The following MINAR2 variants were observed in gnomAD, a reference collection of about 807,000 sequenced individuals.
MINAR2 encodes membrane integral NOTCH2 associated receptor 2.
Under a neutral mutation model 16.1 loss-of-function variants are expected in MINAR2, and 21 were observed. The ratio of observed to expected loss-of-function variants is 1.31; its 90% confidence interval spans 0.93 to 1.88. The LOEUF (loss-of-function observed/expected upper bound fraction) is 1.88. Among genes scored for constraint, MINAR2 ranks in the 40% most tolerant of loss-of-function variants. MINAR2 has a pLI of 0.00. For synonymous variants in MINAR2, 86 were observed against 83.0 expected (o/e 1.04, Z -0.20); for missense variants, 259 against 229.8 (o/e 1.13, Z -0.82).
Position 129,748,160 on chromosome 5 carries a change from T to C in MINAR2, c.-31T>C. On this transcript the variant is annotated 5_prime_UTR_variant, in exon 1 of 3. Transcript: ENST00000564719. ...AGTCTGACAAGAGCAGCTTTGCCTG[T>C]CTTTGTTTTCCACTGTAGGTGAAGG... The C allele has an allele frequency of 6.5e-7, 1 of 1,530,558 alleles. No homozygotes were observed. Among genetic ancestry groups the C allele is most frequent in the Non-Finnish European group, 8.7e-7 (1 of 1,143,434 alleles). 94.8% of individuals were successfully genotyped at this position (1,530,558 alleles called of 1,614,324 possible).
chr5:129,748,552 C>T (rs1028898185), intron 1 of MINAR2, among the ~76,000 whole-genome samples, 197 bp downstream of exon 1: 1 of 152,152 alleles, frequency 6.6e-6, no homozygotes, highest in East Asian at 1.9e-4. Flanking sequence ...TGGATTCTCT[C>T]ATTCATTAAT....
chr5:129,756,934 T>TAAAAAAA (rs34547893), intron 1 of MINAR2, among the ~76,000 whole-genome samples: 7 of 73,968 alleles, frequency 9.5e-5, no homozygotes, highest in Non-Finnish European at 1.1e-4. Context: ...CTTTCCACAG[T>TAAAAAAA]AAAAAAAAAA....
chr5:129,752,793 A>G (rs1758001865), intron 1 of MINAR2, among the ~76,000 whole-genome samples: 1 of 148,928 alleles, frequency 6.7e-6, no homozygotes, highest in Non-Finnish European at 1.5e-5. Flanking sequence ...TTTTTTTTCC[A>G]TTTATTGTGG....
intron 1 of MINAR2, among the ~76,000 whole-genome samples, chr5:129,753,048 C>A (rs2149545053): frequency 6.6e-6 from 1 of 152,208 alleles, no homozygotes; most frequent in Non-Finnish European, 1.5e-5. Flanking sequence ...CAGTCACACT[C>A]TTTTTTCCCA....
At chr5:129,757,974 G>A (rs1462268889) in intron 1 of MINAR2, among the ~76,000 whole-genome samples, 3 of 151,632 alleles carry the variant, frequency 2.0e-5, no homozygotes, top group African/African-American at 7.3e-5. Flanking sequence ...AATAAACTAT[G>A]AATTTTGTAC....
intron 2 of MINAR2, 108 bp from the exon 3 acceptor site, chr5:129,764,776 A>C (rs550072148): frequency 7.1e-5 from 38 of 537,914 alleles, no homozygotes; most frequent in African/African-American, 5.7e-4. Flanking sequence ...GGACAGAGTG[A>C]ATATGGACCA....
chr5:129,764,059 C>A (rs1189014004), intron 2 of MINAR2, among the ~76,000 whole-genome samples: 1 of 152,034 alleles, frequency 6.6e-6, no homozygotes, highest in African/African-American at 2.4e-5. Flanking sequence ...ATCTACAGCA[C>A]CAAAACATAG....
chr5:129,756,425 C>G (rs1404856616), intron 1 of MINAR2, among the ~76,000 whole-genome samples: 1 of 151,858 alleles, frequency 6.6e-6, no homozygotes, highest in Non-Finnish European at 1.5e-5. Context: ...GCACCCATCA[C>G]CCAAGCAGTA....
intron 2 of MINAR2, among the ~76,000 whole-genome samples, chr5:129,763,233 T>C (rs2149547118): frequency 6.6e-6 from 1 of 152,282 alleles, no homozygotes; most frequent in East Asian, 1.9e-4. Flanking sequence ...ACAGGTCTCA[T>C]AAGGTTATTC....
intron 1 of MINAR2, among the ~76,000 whole-genome samples, chr5:129,748,982 T>G (rs1757953122): frequency 6.6e-6 from 1 of 152,206 alleles, no homozygotes. Flanking sequence ...TCAAACCCAG[T>G]GCAGGTTTTA....
At position 129,759,943 on chromosome 5, in the gene MINAR2, C is replaced by A. The variant is rs566773599; in HGVS notation, c.166-435C>A. Among the ~76,000 whole-genome samples the A allele has an allele frequency of 1.4e-3, 219 of 152,110 alleles. 1 individual carries two copies. Among genetic ancestry groups the A allele is most frequent in the African/African-American group, 5.1e-3 (211 of 41,524 alleles). ...TATTTGTGAAAGTCGAGGCATATCTCTAAAATGTCTTTTAATTTTGACTTT... is the reference window on the plus strand; with the variant it reads ...TATTTGTGAAAGTCGAGGCATATCTATAAAATGTCTTTTAATTTTGACTTT... On this transcript the variant is annotated intron_variant, in intron 1 of 2. Coordinates refer to ENST00000564719, the MANE Select transcript of MINAR2 (RefSeq NM_001257308.2).
In MINAR2 at chr5:129,766,240, G is replaced by T. The variant is rs1220859004; in HGVS notation, c.*1177G>T. 6.6e-6 allele frequency: 1 copy of T among 152,140 alleles called. No individual in the cohort carries two copies. The highest frequency in any genetic ancestry group is 1.5e-5 in the Non-Finnish European group (1 of 68,024). The allele number at this position is 152,140 out of a possible 1,614,324, so 9.4% of individuals were successfully genotyped here. On this transcript the variant is annotated 3_prime_UTR_variant, in exon 3 of 3. Coordinates refer to ENST00000564719, the MANE Select transcript of MINAR2 (RefSeq NM_001257308.2). ...TATCTTATGCAAGAAACAAAAGAGG[G>T]ACTTTCTCTTCTTCTCATGAGCCTA...
At chr5:129,761,532 G>C (rs1758135753) in intron 2 of MINAR2, among the ~76,000 whole-genome samples, 1 of 151,964 alleles carries the variant, frequency 6.6e-6, no homozygotes, top group Non-Finnish European at 1.5e-5. Flanking sequence ...CAGAATCTTT[G>C]AAGTTTCTTA....
intron 1 of MINAR2, among the ~76,000 whole-genome samples, chr5:129,749,842 A>C (rs960141731): frequency 6.6e-6 from 1 of 152,186 alleles, no homozygotes; most frequent in Non-Finnish European, 1.5e-5. Flanking sequence ...CCTAAACCTA[A>C]ATGAAATGCA....
chr5:129,760,697 T>TG, intron 2 of MINAR2, 92 bp downstream of exon 2: 1 of 925,164 alleles, frequency 1.1e-6, no homozygotes, highest in Non-Finnish European at 1.6e-6. Flanking sequence ...ACAGGTACTC[T>TG]TCACTAGGCG....
chr5:129,750,167 G>T (rs7710439), intron 1 of MINAR2, among the ~76,000 whole-genome samples: 140,946 of 152,268 alleles, frequency 0.93, 65,280 homozygotes, highest in East Asian at 1. Context: ...CCACTTCACT[G>T]TGCAATGCAT....
chr5:129,756,317 A>G (rs1054374205), intron 1 of MINAR2, among the ~76,000 whole-genome samples: 1 of 151,704 alleles, frequency 6.6e-6, no homozygotes, highest in Non-Finnish European at 1.5e-5. Context: ...TATGGTTCAC[A>G]TCTTCTTTAT....
rs942084621 is a variant in MINAR2, at chr5:129,765,826, G to A, written c.*763G>A. On this transcript the variant is annotated 3_prime_UTR_variant, in exon 3 of 3. Transcript: ENST00000564719. ...TTACCAACCATGGTCTAGGTTGGGG[G>A]TCCCTAGGAAAGCAGAGGGAATACT... is the stretch of plus-strand genomic sequence containing the variant. The A allele has an allele frequency of 2.0e-5, 3 of 152,116 alleles. No homozygotes were observed. The highest frequency in any genetic ancestry group is 4.4e-5 in the Non-Finnish European group (3 of 68,012). 9.4% of individuals were successfully genotyped at this position (152,116 alleles called of 1,614,324 possible).
At chr5:129,756,071 T>G (rs1282607634) in intron 1 of MINAR2, among the ~76,000 whole-genome samples, 3 of 152,072 alleles carry the variant, frequency 2.0e-5, no homozygotes, top group Non-Finnish European at 4.4e-5. Context: ...TTGAAATGTA[T>G]TTTTAAATGT....
Sources: allele counts gnomAD v4.1 joint callset (sites outside exome capture counted in the v4.1 genomes callset), GRCh38; gene constraint gnomAD v4.1.1; transcripts MANE v1.5; gene names NCBI Gene and HGNC (gene_info 2026-07-23, HGNC 2026-07-21).